Variants in METTL24 observed in about 807,000 individuals in gnomAD.
METTL24 encodes the protein methyltransferase like 24, also known as probable methyltransferase-like protein 24.
Under a neutral mutation model 32.7 loss-of-function variants are expected in METTL24, and 29 were observed. That is an observed-to-expected ratio of 0.89 (90% confidence interval 0.66 to 1.21). METTL24 has a LOEUF of 1.21. Among genes scored for constraint, METTL24 ranks in the 50% most tolerant of loss-of-function variants. The probability of loss-of-function intolerance (pLI) is 0.00; values close to 1 mark genes in which losing one functional copy is unlikely to be tolerated. For missense variants in METTL24, 439 were observed against 468.1 expected (o/e 0.94, Z 0.57); for synonymous variants, 163 against 179.5 (o/e 0.91, Z 0.73).
chr6:110,326,884 C>T (rs900368399), intron 1 of METTL24, among the ~76,000 whole-genome samples: 4 of 152,234 alleles, frequency 2.6e-5, no homozygotes, highest in East Asian at 1.9e-4. Context: ...GTCAGCCTCC[C>T]GGGGTGGAGC....
chr6:110,282,985 AT>A (rs543246039), intron 4 of METTL24, among the ~76,000 whole-genome samples: 2 of 152,200 alleles, frequency 1.3e-5, no homozygotes, highest in Non-Finnish European at 2.9e-5. Context: ...ATGTCTATAT[AT>A]TTTAAATATC....
chr6:110,347,357 T>C (rs1041537692), intron 1 of METTL24, among the ~76,000 whole-genome samples: 4 of 152,206 alleles, frequency 2.6e-5, no homozygotes, highest in Non-Finnish European at 5.9e-5. Context: ...TGAAAAAATA[T>C]ATGCAACTCT....
At chr6:110,302,683 G>GTA (rs141680624) in intron 3 of METTL24, among the ~76,000 whole-genome samples, 2,995 of 123,886 alleles carry the variant, frequency 0.024, 398 homozygotes, top group African/African-American at 0.073. Context: ...ATACACGTGT[G>GTA]TATATATATA....
Position 110,274,606 on chromosome 6 carries a change from GA to G in METTL24, c.786+24315del, listed in dbSNP as rs577492509. ...CAAAATCTCAGAAGTCACCACAAAA[GA>G]ACTTATCCATGTAACCAAAAATCAC... On this transcript the variant is annotated intron_variant, in intron 4 of 4. Transcript: ENST00000338882. Among the ~76,000 whole-genome samples, 286 of 151,944 alleles carry G rather than the reference GA, an allele frequency of 1.9e-3. 1 individual carries two copies. Among genetic ancestry groups the G allele is most frequent in the Non-Finnish European group, 3.6e-3 (247 of 67,942 alleles).
intron 4 of METTL24, among the ~76,000 whole-genome samples, chr6:110,272,703 AT>A (rs1770979129): frequency 6.6e-6 from 1 of 152,052 alleles, no homozygotes; most frequent in Admixed American, 6.5e-5. Context: ...TTTGGTTTGC[AT>A]TTCCCTGATA....
At chr6:110,355,297 G>A (rs546388511) in intron 1 of METTL24, among the ~76,000 whole-genome samples, 2 of 152,278 alleles carry the variant, frequency 1.3e-5, no homozygotes, top group African/African-American at 2.4e-5. Context: ...ATAAGAAAGG[G>A]GGATGGGGCC....
chr6:110,326,032 C>A (rs1204718659), intron 1 of METTL24, among the ~76,000 whole-genome samples: 1 of 152,220 alleles, frequency 6.6e-6, no homozygotes, highest in African/African-American at 2.4e-5. Context: ...GTCTCTCACT[C>A]CTCTTTCTTC....
At chr6:110,302,439 GTATATATACACATATACACACATAT>G (rs1771532970) in intron 3 of METTL24, among the ~76,000 whole-genome samples, 1 of 131,708 alleles carries the variant, frequency 7.6e-6, no homozygotes, top group African/African-American at 3.3e-5. Context: ...ACACATATGT[GTATATATACACATATACACACATAT>G]GTGTATATAT....
At chr6:110,277,323 G>A (rs1013809728) in intron 4 of METTL24, among the ~76,000 whole-genome samples, 2 of 152,138 alleles carry the variant, frequency 1.3e-5, no homozygotes, top group Admixed American at 6.5e-5. Context: ...CAGGACTAAC[G>A]TTACAGGGAA....
At chr6:110,265,370 T>C (rs981297414) in intron 4 of METTL24, among the ~76,000 whole-genome samples, 3 of 152,134 alleles carry the variant, frequency 2.0e-5, no homozygotes, top group Non-Finnish European at 4.4e-5. Flanking sequence ...AAAACAGCAA[T>C]ACATACCGTG....
chr6:110,287,678 T>C lies in METTL24; in HGVS notation c.786+11244A>G, dbSNP rs978440770. Among the ~76,000 whole-genome samples the C allele has an allele frequency of 3.9e-5, 6 of 152,216 alleles. No homozygotes were observed. In the East Asian group the frequency reaches 9.6e-4, roughly 24 times the overall value. On this transcript the variant is annotated intron_variant, in intron 4 of 4. Coordinates refer to ENST00000338882, the MANE Select transcript of METTL24 (RefSeq NM_001123364.3). ...TGCTGGTTAACTCTAGGGTAGACTG[T>C]GCCCAAAGATAAGGTATTCAAATTT...
chr6:110,256,765 G>A (rs971714499), intron 4 of METTL24, among the ~76,000 whole-genome samples: 5 of 152,274 alleles, frequency 3.3e-5, no homozygotes, highest in African/African-American at 4.8e-5. Context: ...TGTTGTGTTC[G>A]GGTCTTGATT....
chr6:110,353,547 CTTTTTT>C (rs75803780), intron 1 of METTL24, among the ~76,000 whole-genome samples: 1 of 104,064 alleles, frequency 9.6e-6, no homozygotes, highest in Non-Finnish European at 2.1e-5. Context: ...GGAAACAGTT[CTTTTTT>C]TTTTTTTTTT....
chr6:110,267,323 T>C (rs1770873793), intron 4 of METTL24, among the ~76,000 whole-genome samples: 1 of 152,230 alleles, frequency 6.6e-6, no homozygotes, highest in Non-Finnish European at 1.5e-5. Context: ...AGTTTTGAAC[T>C]TCCTGTTAAA....
chr6:110,262,621 G>A (rs1770757392), intron 4 of METTL24, among the ~76,000 whole-genome samples: 1 of 152,146 alleles, frequency 6.6e-6, no homozygotes, highest in South Asian at 2.1e-4. Context: ...CATTTTATGA[G>A]GCCAGCATCA....
At chr6:110,285,345 G>A (rs567283262) in intron 4 of METTL24, among the ~76,000 whole-genome samples, 195 of 152,256 alleles carry the variant, frequency 1.3e-3, no homozygotes, top group African/African-American at 4.5e-3. Context: ...AACTAAAAAC[G>A]GGGAAATGAA....
chr6:110,268,504 G>T (rs1770899014), intron 4 of METTL24, among the ~76,000 whole-genome samples: 2 of 152,138 alleles, frequency 1.3e-5, no homozygotes, highest in Non-Finnish European at 2.9e-5. Flanking sequence ...AGTCTCTGTT[G>T]AACTTCCAGC....
intron 1 of METTL24, among the ~76,000 whole-genome samples, chr6:110,333,504 A>C (rs115064162): frequency 0.023 from 3,455 of 152,272 alleles, 134 homozygotes; most frequent in African/African-American, 0.079. Flanking sequence ...CTCAGGCTAG[A>C]GTGCAGTGAC....
chr6:110,291,553 C>G (rs893725972), intron 4 of METTL24, among the ~76,000 whole-genome samples: 1 of 151,906 alleles, frequency 6.6e-6, no homozygotes, highest in Admixed American at 6.6e-5. Flanking sequence ...AAAAAAACTT[C>G]TATTTTCCTT....
Sources: allele counts gnomAD v4.1 joint callset (sites outside exome capture counted in the v4.1 genomes callset), GRCh38; gene constraint gnomAD v4.1.1; transcripts MANE v1.5; gene names NCBI Gene and HGNC (gene_info 2026-07-23, HGNC 2026-07-21).